The following MORN1 variants were observed in gnomAD, a reference collection of about 807,000 sequenced individuals.
The protein encoded by MORN1 is MORN repeat-containing protein 1.
In MORN1, 67 loss-of-function variants were observed where a neutral mutation model predicts 61.9. The observed-to-expected ratio is 1.08, with a 90% CI of 0.89 to 1.33. The LOEUF (loss-of-function observed/expected upper bound fraction) is 1.33. MORN1 is among the 40% of genes most tolerant of loss of function. MORN1 has a pLI of 0.00. For synonymous variants in MORN1, 301 were observed against 292.0 expected, an observed-to-expected ratio of 1.03 and a Z score of -0.31; for missense variants, 752 against 691.2, an observed-to-expected ratio of 1.09 and a Z score of -0.99.
At position 2,374,498 on chromosome 1, in the gene MORN1, G is replaced by A; in HGVS notation, c.597C>T (p.Val199=). 1 of 1,603,810 alleles carries A rather than the reference G, an allele frequency of 6.2e-7. No individual in the cohort carries two copies. The highest frequency in any genetic ancestry group is 8.5e-7 in the Non-Finnish European group (1 of 1,175,846). Residue 199 remains valine (V), a synonymous_variant, in exon 7 of 14, where the codon GTC becomes GTT. Coordinates refer to ENST00000378531, the MANE Select transcript of MORN1 (RefSeq NM_024848.3). ...GLGSMAHCSG[V]TYYGLWINGH... is the part of the protein sequence containing the mutation. ...CATTGATCCACAACCCATAATAGGT[G>A]ACCCCTGAGCAGTGGGCCATGCTGC...
intron 8 of MORN1, chr1:2,363,463 A>C (rs533616965): frequency 1.3e-5 from 2 of 152,298 alleles, no homozygotes; most frequent in Admixed American, 6.5e-5. Flanking sequence ...TATAATTAAT[A>C]CATTAACAGA....
At chr1:2,358,340 G>C (rs1224780563) in intron 9 of MORN1, among the ~76,000 whole-genome samples, 5 of 152,168 alleles carry the variant, frequency 3.3e-5, no homozygotes, top group Admixed American at 2.6e-4. Context: ...CAGAGGCTTG[G>C]GGGCCGAGCG....
At chr1:2,353,805 C>T (rs1266557000) in intron 10 of MORN1, among the ~76,000 whole-genome samples, 3 of 152,188 alleles carry the variant, frequency 2.0e-5, no homozygotes, top group Non-Finnish European at 4.4e-5. Flanking sequence ...CCCACCATGT[C>T]CCAGGGTGCT....
At position 2,338,225 on chromosome 1, in the gene MORN1, G is replaced by C. The variant is rs561413310; in HGVS notation, c.1037-1375C>G. Among the ~76,000 whole-genome samples, 5 of 152,314 alleles carry C rather than the reference G, an allele frequency of 3.3e-5. No homozygotes were observed. In the East Asian group the frequency reaches 9.6e-4, roughly 29 times the overall value. On this transcript the variant is annotated intron_variant, in intron 10 of 13. Coordinates refer to ENST00000378531, the MANE Select transcript of MORN1 (RefSeq NM_024848.3). ...AGAAATATTTCCAAATTACAGGTGGGAGAATTATCTCTCTCAGAGGTGTCT... is the reference window on the plus strand; with the variant it reads ...AGAAATATTTCCAAATTACAGGTGGCAGAATTATCTCTCTCAGAGGTGTCT...
chr1:2,383,589 C>G (rs1261201452), intron 6 of MORN1, among the ~76,000 whole-genome samples: 1 of 152,244 alleles, frequency 6.6e-6, no homozygotes, highest in African/African-American at 2.4e-5. Context: ...ATCAAAGCAG[C>G]CCCGAGGCTC....
At chr1:2,388,185 G>T in intron 3 of MORN1, 54 bp downstream of exon 3, 1 of 1,431,696 alleles carries the variant, frequency 7.0e-7, no homozygotes. Context: ...CGGACCAACT[G>T]AGCCCGATGG....
In MORN1 at chr1:2,337,472, C is replaced by T. The variant is rs1569937918; in HGVS notation, c.1037-622G>A. 6.6e-6 allele frequency among the ~76,000 whole-genome samples: 1 copy of T among 152,202 alleles called. No individual in the cohort carries two copies. The highest frequency in any genetic ancestry group is 1.9e-4 in the East Asian group (1 of 5,196). On this transcript the variant is annotated intron_variant, in intron 10 of 13. Coordinates refer to ENST00000378531, the MANE Select transcript of MORN1 (RefSeq NM_024848.3). This position sits in a 1 kb window ranked among gnomAD's most constrained non-coding sequence, Gnocchi z 5.7. The stretch of plus-strand genomic sequence containing the variant: ...GGACCCCTGCAGGCCCTTGCCCAAC[C>T]TAGCTTTTTCCAGCCCCTCTCCCGG...
At chr1:2,322,711 C>T (rs745810607) in intron 13 of MORN1, 9 of 985,336 alleles carry the variant, frequency 9.1e-6, no homozygotes, top group African/African-American at 1.7e-5. Flanking sequence ...CCAAGCAGCC[C>T]GGTTTCTAGG....
intron 6 of MORN1, among the ~76,000 whole-genome samples, chr1:2,383,997 A>G (rs1408383560): frequency 6.6e-6 from 1 of 152,072 alleles, no homozygotes; most frequent in Non-Finnish European, 1.5e-5. Flanking sequence ...TGACACTGAG[A>G]CGTTGCTCTT....
chr1:2,345,829 C>CCACACACACACACACACA (rs57669691), intron 10 of MORN1, among the ~76,000 whole-genome samples: 17 of 149,106 alleles, frequency 1.1e-4, no homozygotes, highest in African/African-American at 3.4e-4. Flanking sequence ...ATGTATGCGG[C>CCACACACACACACACACA]CACACACACA....
intron 8 of MORN1, among the ~76,000 whole-genome samples, chr1:2,364,985 C>T (rs981047379): frequency 4.6e-5 from 7 of 152,198 alleles, no homozygotes; most frequent in Non-Finnish European, 8.8e-5. Context: ...AGTTTGAAGT[C>T]AGGTAGCATG....
intron 5 of MORN1, chr1:2,385,557 G>GC (rs1025522324): frequency 3.4e-5 from 12 of 349,132 alleles, no homozygotes; most frequent in African/African-American, 2.3e-4. Flanking sequence ...ATCGGGGGGG[G>GC]GGGGGATGTT....
intron 8 of MORN1, among the ~76,000 whole-genome samples, chr1:2,369,068 A>T (rs1203801413): frequency 2.0e-5 from 3 of 151,162 alleles, no homozygotes; most frequent in East Asian, 1.9e-4. Flanking sequence ...AAAAAAAAAA[A>T]AGGCGGGGGG....
At chr1:2,383,687 G>A (rs892758428) in intron 6 of MORN1, among the ~76,000 whole-genome samples, 17 of 151,874 alleles carry the variant, frequency 1.1e-4, no homozygotes, top group African/African-American at 4.1e-4. Flanking sequence ...TGCACGCGTG[G>A]TTCCTATCTG....
intron 10 of MORN1, chr1:2,350,740 C>T (rs987509928): frequency 1.3e-5 from 2 of 152,390 alleles, no homozygotes; most frequent in African/African-American, 4.8e-5. Flanking sequence ...TCCTTCAGTC[C>T]AGAGACCTCA....
At chr1:2,382,981 C>T (rs560669100) in intron 6 of MORN1, among the ~76,000 whole-genome samples, 1 of 152,164 alleles carries the variant, frequency 6.6e-6, no homozygotes, top group East Asian at 1.9e-4. Flanking sequence ...CTGACCACCC[C>T]TCCAGGGGCC....
Position 2,321,534 on chromosome 1 carries a change from A to G in MORN1, c.1343T>C (p.Leu448Pro), listed in dbSNP as rs201836187. 329 of 1,535,192 alleles carry G rather than the reference A, an allele frequency of 2.1e-4. No individual in the cohort carries two copies. The East Asian group carries it at 4.1e-3, about 19-fold the overall frequency. The stretch of plus-strand genomic sequence containing the variant: ...GAAGGCCGGGGGCAGCCTGCGCCCC[A>G]GGAACGGCGGGGTGGTCACGTCGCG... Reference protein sequence around the residue: ...MIRDVTTPPFLGRRLPPAFKH... With the variant: ...MIRDVTTPPFPGRRLPPAFKH... Residue 448 changes from leucine (L) to proline (P), a missense_variant, in exon 14 of 14, where the codon CTG becomes CCG. Physicochemically the swap from Leu to Pro is moderately conservative, Grantham distance 98. Coordinates refer to ENST00000378531, the MANE Select transcript of MORN1 (RefSeq NM_024848.3).
chr1:2,366,586 C>T (rs1168770003), intron 8 of MORN1, among the ~76,000 whole-genome samples: 4 of 152,112 alleles, frequency 2.6e-5, no homozygotes, highest in South Asian at 2.1e-4. Context: ...TACAGTGGTG[C>T]GATCTCAGCT....
At chr1:2,322,991 G>A (rs1001107681) in intron 13 of MORN1, 1 of 985,352 alleles carries the variant, frequency 1.0e-6, no homozygotes, top group South Asian at 4.7e-5. Flanking sequence ...GCCCCAAGTG[G>A]CCCCTGAATC....
Sources: allele counts gnomAD v4.1 joint callset (sites outside exome capture counted in the v4.1 genomes callset), GRCh38; gene constraint gnomAD v4.1.1; non-coding constraint Gnocchi (gnomAD v3.1); transcripts MANE v1.5; gene names NCBI Gene and HGNC (gene_info 2026-07-23, HGNC 2026-07-21).